The following FOXRED1 variants were observed in gnomAD, a reference collection of about 807,000 sequenced individuals.
FOXRED1 encodes the protein FAD-dependent oxidoreductase domain-containing protein 1.
In FOXRED1, 52 loss-of-function variants were observed where a neutral mutation model predicts 57.8. That is an observed-to-expected ratio of 0.90 (90% CI 0.72 to 1.13). FOXRED1 has a LOEUF of 1.13. Among genes scored for constraint, FOXRED1 ranks in the 50% most tolerant of loss-of-function variants. The probability of loss-of-function intolerance (pLI) is 0.00; values close to 1 mark genes in which losing one functional copy is unlikely to be tolerated. For missense variants in FOXRED1, 589 were observed against 625.2 expected (o/e 0.94, Z 0.62); for synonymous variants, 271 against 248.3 (o/e 1.09, Z -0.86).
rs758430380 is a variant in FOXRED1 at position 126,277,777 on chromosome 11, G to C, written c.*88G>C. On this transcript the variant is annotated 3_prime_UTR_variant, in exon 11 of 11. Coordinates refer to ENST00000263578, the MANE Select transcript of FOXRED1 (RefSeq NM_017547.4). This position sits in a 1 kb window ranked among gnomAD's most constrained non-coding sequence, Gnocchi z 6.8. The stretch of plus-strand genomic sequence containing the variant: ...CTGCTTCCATCTTCCCCAGTACTGT[G>C]CCAGGCCTTCTCCCCCTCCCCAGTG... 1.2e-5 allele frequency: 17 copies of C among 1,432,868 alleles called. No individual in the cohort carries two copies. The African/African-American group carries it at 2.0e-4, about 16-fold the overall frequency. 88.8% of individuals were successfully genotyped at this position (1,432,868 alleles called of 1,614,324 possible).
chr11:126,276,493 C>T lies in FOXRED1; in HGVS notation c.1071C>T (p.Ser357=). ...ATTTTCGCCGGGAAGGATTAGGTAG[C>T]AACTACCTAGGTGGTCGTAGCCCCA... is the stretch of plus-strand genomic sequence containing the variant. ...GAYFRREGLG[S]NYLGGRSPTE... is the part of the protein sequence containing the mutation. The change falls in exon 9 of 11, where the codon AGC becomes AGT. Residue 357 remains serine (S), a synonymous_variant. Coordinates refer to ENST00000263578, the MANE Select transcript of FOXRED1 (RefSeq NM_017547.4). 6.2e-7 allele frequency: 1 copy of T among 1,608,358 alleles called. No individual in the cohort carries two copies. The highest frequency in any genetic ancestry group is 8.5e-7 in the Non-Finnish European group (1 of 1,177,268).
chr11:126,271,336 CAT>C lies in FOXRED1; in HGVS notation c.86-100_86-99del, dbSNP rs1013510410. The C allele has an allele frequency of 2.3e-5, 20 of 854,486 alleles. No homozygotes were observed. Among genetic ancestry groups the C allele is most frequent in the Middle Eastern group, 2.7e-4 (1 of 3,686 alleles). 52.9% of individuals were successfully genotyped at this position (854,486 alleles called of 1,614,324 possible). ...GGGCTGACAGTGGGGACTGCCAACT[CAT>C]GTGTCTGTTTAGCTCACCTTTTCCT... On this transcript the variant is annotated intron_variant, in intron 1 of 10. Transcript: ENST00000263578. The surrounding 1 kb of genome is among the most constrained non-coding windows in gnomAD (Gnocchi z 5.3).
Position 126,277,772 on chromosome 11 carries a change from A to T in FOXRED1, c.*83A>T, listed in dbSNP as rs1951197998. The T allele has an allele frequency of 6.8e-7, 1 of 1,469,756 alleles. No individual in the cohort carries two copies. The highest frequency in any genetic ancestry group is 1.4e-5 in the African/African-American group (1 of 72,174). 91.0% of individuals were successfully genotyped at this position (1,469,756 alleles called of 1,614,324 possible). On this transcript the variant is annotated 3_prime_UTR_variant, in exon 11 of 11. Coordinates refer to ENST00000263578, the MANE Select transcript of FOXRED1 (RefSeq NM_017547.4). The surrounding 1 kb of genome is among the most constrained non-coding windows in gnomAD (Gnocchi z 6.8). ...GTTTGCTGCTTCCATCTTCCCCAGT[A>T]CTGTGCCAGGCCTTCTCCCCCTCCC...
Position 126,275,137 on chromosome 11 carries a change from T to C in FOXRED1, c.631+116T>C. 1.2e-6 allele frequency: 1 copy of C among 833,812 alleles called. No individual in the cohort carries two copies. The highest frequency in any genetic ancestry group is 2.0e-5 in the Admixed American group (1 of 51,252). The allele number at this position is 833,812 out of a possible 1,614,324, so 51.7% of individuals were successfully genotyped here. On this transcript the variant is annotated intron_variant, in intron 5 of 10. Transcript: ENST00000263578. This position sits in a 1 kb window ranked among gnomAD's most constrained non-coding sequence, Gnocchi z 5.9. ...AGCTGAAGGAGGAACACTTCCCTCC[T>C]GTGTCACGGGAACTGCCCTGGGCCG...
chr11:126,277,544 G>A lies in FOXRED1; in HGVS notation c.1316G>A (p.Gly439Asp), dbSNP rs750732959. The A allele has an allele frequency of 4.3e-6, 7 of 1,613,730 alleles. No individual in the cohort carries two copies. Among genetic ancestry groups the A allele is most frequent in the Non-Finnish European group, 5.9e-6 (7 of 1,180,024 alleles). ...VNMYFATGFS[G>D]HGLQQAPGIG... is the part of the protein sequence containing the mutation. ...ATGTACTTTGCTACTGGCTTCAGTG[G>A]TCACGGGCTCCAGCAGGCCCCTGGC... The change falls in exon 11 of 11, where the codon GGT becomes GAT. Residue 439 changes from glycine to aspartate, a missense_variant. Transcript: ENST00000263578. This position sits in a 1 kb window ranked among gnomAD's most constrained non-coding sequence, Gnocchi z 6.8.
Position 126,272,845 on chromosome 11 carries a change from A to G in FOXRED1, c.307-124A>G, listed in dbSNP as rs1951025666. 1.4e-6 allele frequency: 1 copy of G among 720,728 alleles called. No individual in the cohort carries two copies. Among genetic ancestry groups the G allele is most frequent in the Non-Finnish European group, 2.6e-6 (1 of 390,720 alleles). The allele number at this position is 720,728 out of a possible 1,614,324, so 44.6% of individuals were successfully genotyped here. On this transcript the variant is annotated intron_variant, in intron 2 of 10. Transcript: ENST00000263578. This position sits in a 1 kb window ranked among gnomAD's most constrained non-coding sequence, Gnocchi z 4.6. ...AAGTTGACTTACACATGGGTCTTAG[A>G]TTATAGACTTGCAAATAGGACTCCC... is the stretch of plus-strand genomic sequence containing the variant.
In FOXRED1 at chr11:126,275,722, G is replaced by A; in HGVS notation, c.734-72G>A. On this transcript the variant is annotated intron_variant, in intron 6 of 10. Transcript: ENST00000263578. This position sits in a 1 kb window ranked among gnomAD's most constrained non-coding sequence, Gnocchi z 5.9. ...CATCCTTCCAGCTTTCTTTCCTTAA[G>A]AAACCAGTGAAATCCCCATTTCATT... 3 of 1,072,712 alleles carry A rather than the reference G, an allele frequency of 2.8e-6. No individual in the cohort carries two copies. The highest frequency in any genetic ancestry group is 4.3e-6 in the Non-Finnish European group (3 of 694,416). 66.4% of individuals were successfully genotyped at this position (1,072,712 alleles called of 1,614,324 possible).
At position 126,275,106 on chromosome 11, in the gene FOXRED1, C is replaced by A; in HGVS notation, c.631+85C>A. The A allele has an allele frequency of 1.0e-6, 1 of 954,866 alleles. No homozygotes were observed. Among genetic ancestry groups the A allele is most frequent in the Non-Finnish European group, 1.7e-6 (1 of 587,600 alleles). The allele number at this position is 954,866 out of a possible 1,614,324, so 59.1% of individuals were successfully genotyped here. On this transcript the variant is annotated intron_variant, in intron 5 of 10. Transcript: ENST00000263578. The surrounding 1 kb of genome is among the most constrained non-coding windows in gnomAD (Gnocchi z 5.9). ...ACACGTTGGGAGTCTCGGTACTCCA[C>A]AGCCAAGCTGAAGGAGGAACACTTC...
Position 126,272,962 on chromosome 11 carries a change from TC to T in FOXRED1, c.307-5del. The stretch of plus-strand genomic sequence containing the variant: ...GGTCTACCTCAACTTTTCTTGTCTT[TC>T]CACAGTATTCACAGGCCTCCACTGG... On this transcript the variant is annotated splice_polypyrimidine_tract_variant and splice_region_variant and intron_variant, in intron 2 of 10. Coordinates refer to ENST00000263578, the MANE Select transcript of FOXRED1 (RefSeq NM_017547.4). The surrounding 1 kb of genome is among the most constrained non-coding windows in gnomAD (Gnocchi z 4.6). The T allele has an allele frequency of 6.9e-7, 1 of 1,441,634 alleles. No homozygotes were observed. The highest frequency in any genetic ancestry group is 9.8e-7 in the Non-Finnish European group (1 of 1,022,360). 89.3% of individuals were successfully genotyped at this position (1,441,634 alleles called of 1,614,324 possible).
In FOXRED1 at chr11:126,271,667, G is replaced by A. The variant is rs1437631652; in HGVS notation, c.306+10G>A. ...GGAACGGGACCACACGGTGAGGTCT[G>A]GGGTAGGGCAGAGTCATGAGTGGGG... On this transcript the variant is annotated intron_variant, in intron 2 of 10. Transcript: ENST00000263578. The surrounding 1 kb of genome is among the most constrained non-coding windows in gnomAD (Gnocchi z 5.3). 1.2e-6 allele frequency: 2 copies of A among 1,606,972 alleles called. No homozygotes were observed. Among genetic ancestry groups the A allele is most frequent in the Admixed American group, 1.7e-5 (1 of 60,006 alleles).
In FOXRED1 at chr11:126,276,082, G is replaced by C; in HGVS notation, c.834G>C (p.Glu278Asp). 1 of 1,612,846 alleles carries C rather than the reference G, an allele frequency of 6.2e-7. No homozygotes were observed. Among genetic ancestry groups the C allele is most frequent in the South Asian group, 1.1e-5 (1 of 91,062 alleles). ...AGGTGAAGATGGACCGCAGCCTGGAGTACCAGCCTGTGGAATGCGCCATTG... is the reference window on the plus strand; with the variant it reads ...AGGTGAAGATGGACCGCAGCCTGGACTACCAGCCTGTGGAATGCGCCATTG... Reference protein sequence around the residue: ...EVHVKMDRSLEYQPVECAIVI... With the variant: ...EVHVKMDRSLDYQPVECAIVI... The change falls in exon 8 of 11, where the codon GAG becomes GAC. Residue 278 changes from glutamate (E) to aspartate (D), a missense_variant. Physicochemically the swap from Glu to Asp is conservative, Grantham distance 45 (BLOSUM62 2). Transcript: ENST00000263578.
At position 126,269,227 on chromosome 11, in the gene FOXRED1, G is replaced by T. The variant is rs747993226; in HGVS notation, c.21G>T (p.Pro7=). 5 of 1,613,784 alleles carry T rather than the reference G, an allele frequency of 3.1e-6. No homozygotes were observed. The highest frequency in any genetic ancestry group is 3.3e-5 in the Admixed American group (2 of 60,012). The part of the protein sequence containing the change: MIRRVL[P]HGMGRGLLTR... Reference sequence around the variant, plus strand: ...GGGTTATGATTCGGAGGGTTCTGCCGCACGGCATGGGCCGGGGCCTCTTGA... The same window carrying T: ...GGGTTATGATTCGGAGGGTTCTGCCTCACGGCATGGGCCGGGGCCTCTTGA... Residue 7 remains proline, a synonymous_variant, in exon 1 of 11, where the codon CCG becomes CCT. Coordinates refer to ENST00000263578, the MANE Select transcript of FOXRED1 (RefSeq NM_017547.4).
rs1300119808 is a variant in FOXRED1, at chr11:126,271,849, C to G, written c.306+192C>G. 2 of 617,280 alleles carry G rather than the reference C, an allele frequency of 3.2e-6. No homozygotes were observed. Among genetic ancestry groups the G allele is most frequent in the Non-Finnish European group, 5.9e-6 (2 of 340,924 alleles). 38.2% of individuals were successfully genotyped at this position (617,280 alleles called of 1,614,324 possible). A position where few individuals can be genotyped will look rare whatever the true frequency, so the allele number is the denominator to read the frequency against. On this transcript the variant is annotated intron_variant, in intron 2 of 10. Transcript: ENST00000263578. This position sits in a 1 kb window ranked among gnomAD's most constrained non-coding sequence, Gnocchi z 5.3. ...TCCTCAGTCGAACCAGGAAGCTTGGCAATAAGGTTTGTTCTTTTGAAAGCA... is the reference window on the plus strand; with the variant it reads ...TCCTCAGTCGAACCAGGAAGCTTGGGAATAAGGTTTGTTCTTTTGAAAGCA...
rs922603273 is a variant in FOXRED1 at position 126,272,407 on chromosome 11, C to T, written c.307-562C>T. ...TCCCAGGCTCAAGTGGTCCTCCCACCTTAGCCTCCAGAGTAGCTGGGACCA... is the reference window on the plus strand; with the variant it reads ...TCCCAGGCTCAAGTGGTCCTCCCACTTTAGCCTCCAGAGTAGCTGGGACCA... On this transcript the variant is annotated intron_variant, in intron 2 of 10. Transcript: ENST00000263578. This position sits in a 1 kb window ranked among gnomAD's most constrained non-coding sequence, Gnocchi z 4.6. 4 of 190,904 alleles carry T rather than the reference C, an allele frequency of 2.1e-5. No individual in the cohort carries two copies. Among genetic ancestry groups the T allele is most frequent in the African/African-American group, 9.5e-5 (4 of 42,212 alleles). The allele number at this position is 190,904 out of a possible 1,614,324, so 11.8% of individuals were successfully genotyped here.
intron 1 of FOXRED1, 191 bp downstream of exon 1, chr11:126,269,482 G>A: frequency 9.9e-7 from 1 of 1,008,556 alleles, no homozygotes; most frequent in South Asian, 1.4e-5. Context: ...GCCCTTTTCA[G>A]GTGGCAGGTC....
At position 126,274,797 on chromosome 11, in the gene FOXRED1, A is replaced by G; in HGVS notation, c.537-130A>G. ...CAGCCGCTCAGCAATGAGGAAAAAT[A>G]GGGGCATTTGGGGCAGAGAAGTGAC... On this transcript the variant is annotated intron_variant, in intron 4 of 10. Transcript: ENST00000263578. This position sits in a 1 kb window ranked among gnomAD's most constrained non-coding sequence, Gnocchi z 4.8. 12 of 750,628 alleles carry G rather than the reference A, an allele frequency of 1.6e-5. No individual in the cohort carries two copies. The South Asian group carries it at 1.7e-4, about 11-fold the overall frequency. The allele number at this position is 750,628 out of a possible 1,614,324, so 46.5% of individuals were successfully genotyped here.
chr11:126,277,496 G>T lies in FOXRED1; in HGVS notation c.1268G>T (p.Gly423Val), dbSNP rs1438573334. The T allele has an allele frequency of 6.2e-7, 1 of 1,613,516 alleles. No homozygotes were observed. The highest frequency in any genetic ancestry group is 2.2e-5 in the East Asian group (1 of 44,874). The change falls in exon 11 of 11, where the codon GGC (glycine) becomes GTC (valine). Residue 423 changes from glycine to valine, a missense_variant. Gly to Val is a moderately radical substitution (Grantham distance 109). Transcript: ENST00000263578. This position sits in a 1 kb window ranked among gnomAD's most constrained non-coding sequence, Gnocchi z 6.8. ...ACCTTTGACCAGAATGGCGTGGTGGGCCCCCACCCGCTAGTTGTCAACATG... is the reference window on the plus strand; with the variant it reads ...ACCTTTGACCAGAATGGCGTGGTGGTCCCCCACCCGCTAGTTGTCAACATG... ...YNTFDQNGVV[G>V]PHPLVVNMYF... is the part of the protein sequence containing the mutation.
In FOXRED1 at chr11:126,271,403, T is replaced by A; in HGVS notation, c.86-34T>A. 6.7e-7 allele frequency: 1 copy of A among 1,496,442 alleles called. No homozygotes were observed. 92.7% of individuals were successfully genotyped at this position (1,496,442 alleles called of 1,614,324 possible). On this transcript the variant is annotated intron_variant, in intron 1 of 10. Coordinates refer to ENST00000263578, the MANE Select transcript of FOXRED1 (RefSeq NM_017547.4). The surrounding 1 kb of genome is among the most constrained non-coding windows in gnomAD (Gnocchi z 5.3). ...ACCCCCCAACCATGTGGGAAGGAAA[T>A]GTTTGGCCCTCTGACCCTAACTACA...
Position 126,272,087 on chromosome 11 carries a change from G to C in FOXRED1, c.306+430G>C, listed in dbSNP as rs917570058. ...AGTGATTATCCCACCTCCGCCCCCT[G>C]AGTAGCTGAGATTACAGGGACACAC... On this transcript the variant is annotated intron_variant, in intron 2 of 10. Coordinates refer to ENST00000263578, the MANE Select transcript of FOXRED1 (RefSeq NM_017547.4). This position sits in a 1 kb window ranked among gnomAD's most constrained non-coding sequence, Gnocchi z 4.6. Among the ~76,000 whole-genome samples the C allele has an allele frequency of 1.3e-5, 2 of 151,262 alleles. No individual in the cohort carries two copies. Among genetic ancestry groups the C allele is most frequent in the African/African-American group, 4.9e-5 (2 of 41,070 alleles).
Sources: gnomAD v4.1 joint callset for allele counts (sites outside exome capture counted in the v4.1 genomes callset) on GRCh38, gnomAD v4.1.1 for gene constraint, Gnocchi (gnomAD v3.1) non-coding constraint, MANE v1.5 for transcripts, NCBI Gene and HGNC (gene_info 2026-07-23, HGNC 2026-07-21) for gene names.